The following TAF3 variants were observed in gnomAD, a reference collection of about 807,000 sequenced individuals.
The protein encoded by TAF3 is transcription initiation factor TFIID subunit 3.
In TAF3, 7 loss-of-function variants were observed where a neutral mutation model predicts 80.6. The observed-to-expected ratio is 0.09, with a 90% confidence interval of 0.05 to 0.16. The LOEUF is 0.16. Among genes scored for constraint, TAF3 ranks in the 10% least tolerant of loss-of-function variants. The pLI is 1.00. For missense variants in TAF3, 921 were observed against 1,140.2 expected, an observed-to-expected ratio of 0.81 and a Z score of 2.77; for synonymous variants, 444 against 446.1, an observed-to-expected ratio of 1.00 and a Z score of 0.06.
intron 2 of TAF3, among the ~76,000 whole-genome samples, chr10:7,825,678 G>A (rs1836733785): frequency 6.6e-6 from 1 of 152,262 alleles, no homozygotes; most frequent in East Asian, 1.9e-4. Flanking sequence ...TTCGTTGTGT[G>A]TTTCGTTGTG....
At chr10:7,884,251 G>A (rs947957275) in intron 2 of TAF3, among the ~76,000 whole-genome samples, 1 of 152,124 alleles carries the variant, frequency 6.6e-6, no homozygotes, top group Non-Finnish European at 1.5e-5. Context: ...AGCCCCTCAA[G>A]CTCCCTCCTA....
intron 3 of TAF3, among the ~76,000 whole-genome samples, chr10:7,971,166 GTTATAC>G (rs1346530551): frequency 6.6e-6 from 1 of 152,168 alleles, no homozygotes; most frequent in East Asian, 1.9e-4. Flanking sequence ...GGTGGCACTT[GTTATAC>G]TTAACCACAA....
At chr10:7,825,984 T>A (rs1189318683) in intron 2 of TAF3, among the ~76,000 whole-genome samples, 2 of 152,236 alleles carry the variant, frequency 1.3e-5, no homozygotes, top group Non-Finnish European at 2.9e-5. Context: ...AGGGTTCCAA[T>A]TTCTTGCAAT....
At chr10:7,934,566 T>G (rs1373382162) in intron 2 of TAF3, among the ~76,000 whole-genome samples, 1 of 152,154 alleles carries the variant, frequency 6.6e-6, no homozygotes, top group African/African-American at 2.4e-5. Flanking sequence ...TGCCTCAGCC[T>G]CCCAAGTAGC....
chr10:7,856,858 CAAAAAAA>C (rs57207229), intron 2 of TAF3, among the ~76,000 whole-genome samples: 4 of 91,146 alleles, frequency 4.4e-5, no homozygotes, highest in Admixed American at 1.2e-4. Context: ...AGCTGGTTCT[CAAAAAAA>C]AAAAAAAAAA....
intron 2 of TAF3, among the ~76,000 whole-genome samples, chr10:7,882,730 T>A (rs998569593): frequency 3.9e-5 from 6 of 152,332 alleles, no homozygotes; most frequent in Admixed American, 3.9e-4. Context: ...GATCACTTGA[T>A]GAGGGTTTTG....
Position 8,009,028 on chromosome 10 carries a change from T to G in TAF3, c.2316-50T>G, listed in dbSNP as rs767110370. The stretch of plus-strand genomic sequence containing the variant: ...ATCATGTTTTTAAGCACGGGTTTGG[T>G]TCGATGATGATCCTGTTTTGACTTT... On this transcript the variant is annotated intron_variant, in intron 4 of 6. Transcript: ENST00000344293. The surrounding 1 kb of genome is among the most constrained non-coding windows in gnomAD (Gnocchi z 4.1). 5 of 1,562,460 alleles carry G rather than the reference T, an allele frequency of 3.2e-6. No individual in the cohort carries two copies. The South Asian group carries it at 5.5e-5, about 17-fold the overall frequency.
intron 2 of TAF3, among the ~76,000 whole-genome samples, chr10:7,839,321 C>T (rs756761658): frequency 1.7e-4 from 26 of 152,100 alleles, no homozygotes; most frequent in Non-Finnish European, 3.7e-4. Flanking sequence ...GTAACTTACC[C>T]AGGTCTTGCT....
chr10:7,864,004 C>T (rs1024827465), intron 2 of TAF3, among the ~76,000 whole-genome samples: 9 of 152,134 alleles, frequency 5.9e-5, no homozygotes, highest in East Asian at 1.9e-4. Flanking sequence ...TCATCCTGCT[C>T]CTTCATCCCC....
At chr10:7,957,434 G>A (rs1314199374) in intron 2 of TAF3, among the ~76,000 whole-genome samples, 3 of 152,096 alleles carry the variant, frequency 2.0e-5, no homozygotes, top group Admixed American at 1.3e-4. Context: ...AGGGTTACAA[G>A]GTTAACTTTC....
chr10:7,887,588 A>T (rs888910713), intron 2 of TAF3, among the ~76,000 whole-genome samples: 17 of 152,184 alleles, frequency 1.1e-4, no homozygotes, highest in Non-Finnish European at 1.8e-4. Flanking sequence ...TTTCCTAGTG[A>T]TAAGTGTGAA....
chr10:7,829,029 C>CAA lies in TAF3; in HGVS notation c.409+4496_409+4497dup, dbSNP rs59969868. On this transcript the variant is annotated intron_variant, in intron 2 of 6. Transcript: ENST00000344293. ...TGGGTGACAGAGTGAGACTCCGTCTCAAAAAAAAAAAAAAAAAAAAAAAAA... is the reference window on the plus strand; with the variant it reads ...TGGGTGACAGAGTGAGACTCCGTCTCAAAAAAAAAAAAAAAAAAAAAAAAAAA... 5.3e-3 allele frequency among the ~76,000 whole-genome samples: 356 copies of CAA among 66,846 alleles called. 16 individuals carry two copies. The highest frequency in any genetic ancestry group is 0.019 in the Middle Eastern group (1 of 52). The allele number at this position is 66,846 out of a possible 152,430, so 43.9% of individuals were successfully genotyped here.
At chr10:8,000,939 T>C (rs1831938125) in intron 4 of TAF3, among the ~76,000 whole-genome samples, 1 of 152,256 alleles carries the variant, frequency 6.6e-6, no homozygotes, top group African/African-American at 2.4e-5. Context: ...CACCTCCCTT[T>C]TTCTTGGATA....
At chr10:7,908,628 A>G (rs1837627215) in intron 2 of TAF3, among the ~76,000 whole-genome samples, 2 of 152,240 alleles carry the variant, frequency 1.3e-5, no homozygotes, top group African/African-American at 4.8e-5. Context: ...ACAGAGCTTT[A>G]TCTGTATAAA....
At chr10:7,838,859 G>A (rs180900517) in intron 2 of TAF3, among the ~76,000 whole-genome samples, 54 of 147,898 alleles carry the variant, frequency 3.7e-4, no homozygotes, top group Admixed American at 1.4e-3. Flanking sequence ...CCAGGGTCTG[G>A]GGAACGTTCC....
At chr10:8,000,458 T>TAA (rs1831933039) in intron 4 of TAF3, among the ~76,000 whole-genome samples, 1 of 151,944 alleles carries the variant, frequency 6.6e-6, no homozygotes, top group Non-Finnish European at 1.5e-5. Flanking sequence ...TAATTATGGA[T>TAA]AAATCAAAAG....
intron 2 of TAF3, among the ~76,000 whole-genome samples, chr10:7,871,724 G>A (rs947724304): frequency 7.2e-5 from 11 of 152,036 alleles, no homozygotes; most frequent in South Asian, 6.2e-4. Context: ...AATTACAGGC[G>A]GGAGCCACCG....
intron 2 of TAF3, among the ~76,000 whole-genome samples, chr10:7,921,424 G>T (rs1269085496): frequency 6.6e-6 from 1 of 151,988 alleles, no homozygotes; most frequent in Non-Finnish European, 1.5e-5. Flanking sequence ...AACTTTCTTT[G>T]ATACCTCCCC....
At position 7,957,899 on chromosome 10, in the gene TAF3, A is replaced by AT. The variant is rs1016338315; in HGVS notation, c.410-6012dup. On this transcript the variant is annotated intron_variant, in intron 2 of 6. Transcript: ENST00000344293. Reference sequence around the variant, plus strand: ...AAAGTAGAAAGGGCCTGTGACCCAAATTTTTTTTTATTATTTTTGCAATAA... The same window carrying AT: ...AAAGTAGAAAGGGCCTGTGACCCAAATTTTTTTTTTATTATTTTTGCAATAA... 4.0e-5 allele frequency among the ~76,000 whole-genome samples: 6 copies of AT among 151,062 alleles called. No individual in the cohort carries two copies. The South Asian group carries it at 8.4e-4, about 21-fold the overall frequency.
Sources: gnomAD v4.1 joint callset for allele counts (sites outside exome capture counted in the v4.1 genomes callset) on GRCh38, gnomAD v4.1.1 for gene constraint, Gnocchi (gnomAD v3.1) non-coding constraint, MANE v1.5 for transcripts, NCBI Gene and HGNC (gene_info 2026-07-23, HGNC 2026-07-21) for gene names.